Variants in BCOR observed in about 807,000 individuals in gnomAD.
The protein encoded by BCOR is BCL-6 corepressor.
BCOR carries 10 observed loss-of-function variants against 86.7 expected under a neutral mutation model. The observed-to-expected ratio is 0.12, with a 90% CI of 0.07 to 0.20. BCOR has a LOEUF of 0.20. Among genes scored for constraint, BCOR ranks in the 10% least tolerant of loss-of-function variants. The probability of loss-of-function intolerance (pLI) is 1.00; values close to 1 mark genes in which losing one functional copy is unlikely to be tolerated. For missense variants in BCOR, 1,259 were observed against 1,452.1 expected, an observed-to-expected ratio of 0.87 and a Z score of 2.16; for synonymous variants, 611 against 609.0, an observed-to-expected ratio of 1.00 and a Z score of -0.05.
At chrX:40,066,921 A>AC (rs573109269) in intron 6 of BCOR, among the ~76,000 whole-genome samples, 2,184 of 39,287 alleles carry the variant, frequency 0.056, 140 homozygotes, top group East Asian at 0.34. Flanking sequence ...TCCCAGAGAC[A>AC]CCCCCCCCCC....
intron 7 of BCOR, 135 bp downstream of exon 7, chrX:40,064,201 T>C (rs1324684685): frequency 3.1e-6 from 3 of 979,176 alleles, no homozygotes; most frequent in Non-Finnish European, 4.3e-6. Context: ...GCTCCACTGC[T>C]GCGCCCCCAC....
At chrX:40,055,898 C>T (rs1934568916) in intron 11 of BCOR, among the ~76,000 whole-genome samples, 1 of 110,061 alleles carries the variant, frequency 9.1e-6, no homozygotes, top group African/African-American at 3.3e-5. Context: ...TCATGGCTCA[C>T]TGCAGCCTCG....
At chrX:40,134,053 C>T (rs1301776326) in intron 1 of BCOR, among the ~76,000 whole-genome samples, 1 of 108,458 alleles carries the variant, frequency 9.2e-6, no homozygotes, top group Non-Finnish European at 1.9e-5. Flanking sequence ...GGAGGGGCTC[C>T]GCAGAGGAGG....
At chrX:40,069,707 C>CAGG (rs1300734941) in intron 6 of BCOR, among the ~76,000 whole-genome samples, 1 of 112,340 alleles carries the variant, frequency 8.9e-6, no homozygotes, top group Admixed American at 9.4e-5. Flanking sequence ...TGAGGCAACT[C>CAGG]AGAGTGGGGG....
chrX:40,126,078 T>C (rs1170115834), intron 1 of BCOR, among the ~76,000 whole-genome samples: 1 of 108,770 alleles, frequency 9.2e-6, no homozygotes, highest in Non-Finnish European at 1.9e-5. Flanking sequence ...TAGCTGGGCG[T>C]GGTGGTGCGT....
chrX:40,144,303 GAGA>G (rs1270074969), intron 1 of BCOR, among the ~76,000 whole-genome samples: 7 of 112,125 alleles, frequency 6.2e-5, no homozygotes, highest in Admixed American at 5.6e-4. Flanking sequence ...TCGAAACCTG[GAGA>G]AGAAGGCCAA....
rs769141938 is a variant in BCOR at position 40,074,974 on chromosome X, G to C, written c.372C>G (p.Phe124Leu). The C allele has an allele frequency of 7.4e-6, 9 of 1,208,151 alleles. No homozygotes were observed. Residue 124 changes from phenylalanine (F) to leucine (L), a missense_variant, in exon 4 of 15, where the codon TTC (phenylalanine) becomes TTG (leucine). Coordinates refer to ENST00000378444, the MANE Select transcript of BCOR (RefSeq NM_001123385.2). ...CCACTGTCTCGGGTGTATTCGGTTTGAACTGCATCTCTGGATTTCTTTCCG... is the reference window on the plus strand; with the variant it reads ...CCACTGTCTCGGGTGTATTCGGTTTCAACTGCATCTCTGGATTTCTTTCCG... ...FSSERNPEMQ[F>L]KPNTPETVEA...
In BCOR at chrX:40,073,670, C is replaced by T. The variant is rs1935609387; in HGVS notation, c.1676G>A (p.Gly559Glu). The T allele has an allele frequency of 1.6e-6, 2 of 1,212,488 alleles. No individual in the cohort carries two copies. Among genetic ancestry groups the T allele is most frequent in the Admixed American group, 2.2e-5 (1 of 46,174 alleles). The change falls in exon 4 of 15, where the codon GGG becomes GAG. Residue 559 changes from glycine (G) to glutamate (E), a missense_variant. Physicochemically the swap from Gly to Glu is moderately conservative, Grantham distance 98 (BLOSUM62 -2). Around this residue, in one of 7 missense-constraint regions of BCOR, gnomAD observed 534 missense variants for 594.8 expected, o/e 0.90. Coordinates refer to ENST00000378444, the MANE Select transcript of BCOR (RefSeq NM_001123385.2). ...TGGGCGGCCTGCACTCGACACTGAC[C>T]CTGAAACGTTAGTGATGACAGCATC... ...GTDAVITNVS[G>E]SVSSAGRPAS...
chrX:40,109,453 A>G (rs960356432), intron 1 of BCOR, among the ~76,000 whole-genome samples: 3 of 112,291 alleles, frequency 2.7e-5, no homozygotes, highest in African/African-American at 9.7e-5. Context: ...ACAAAACTCC[A>G]GAGCGGGCGG....
At chrX:40,062,522 G>A (rs1934941518) in intron 9 of BCOR, 129 bp from the exon 10 acceptor site, 2 of 951,532 alleles carry the variant, frequency 2.1e-6, no homozygotes, top group Non-Finnish European at 2.9e-6. Flanking sequence ...TTTTTTGGGG[G>A]TGGGGGGTGC....
intron 1 of BCOR, among the ~76,000 whole-genome samples, chrX:40,168,417 G>A (rs1938549082): frequency 8.9e-6 from 1 of 112,863 alleles, no homozygotes; most frequent in African/African-American, 3.2e-5. Flanking sequence ...TGGCGAATTG[G>A]CGGCGGCAAA....
At chrX:40,095,534 C>T (rs1936817065) in intron 1 of BCOR, among the ~76,000 whole-genome samples, 1 of 110,780 alleles carries the variant, frequency 9.0e-6, no homozygotes, top group African/African-American at 3.3e-5. Context: ...CAAAAGACTA[C>T]CCCTAGAACC....
chrX:40,116,460 G>A (rs1369017652), intron 1 of BCOR, among the ~76,000 whole-genome samples: 1 of 109,471 alleles, frequency 9.1e-6, no homozygotes, highest in Non-Finnish European at 1.9e-5. Flanking sequence ...TAGCGCCACT[G>A]CACTCCAGCC....
chrX:40,130,480 C>T (rs981227201), intron 1 of BCOR, among the ~76,000 whole-genome samples: 1 of 112,292 alleles, frequency 8.9e-6, no homozygotes, highest in Non-Finnish European at 1.9e-5. Flanking sequence ...CCATTTTTAG[C>T]CCTTGGCTAG....
At chrX:40,063,463 A>G in intron 8 of BCOR, 145 bp downstream of exon 8, 2 of 525,919 alleles carry the variant, frequency 3.8e-6, no homozygotes, top group Non-Finnish European at 6.5e-6. Context: ...CAAGGACATC[A>G]AGAGAGAACT....
chrX:40,170,208 A>C (rs889188218), intron 1 of BCOR, among the ~76,000 whole-genome samples: 8 of 112,211 alleles, frequency 7.1e-5, no homozygotes, highest in Non-Finnish European at 3.8e-5. Flanking sequence ...TGCACCTAGC[A>C]GACCAAGCCT....
chrX:40,092,436 C>T (rs1302463408), intron 1 of BCOR, among the ~76,000 whole-genome samples: 1 of 110,291 alleles, frequency 9.1e-6, no homozygotes, highest in East Asian at 2.8e-4. Flanking sequence ...CCAACACAGG[C>T]TGTCCCCGCC....
Position 40,077,871 on chromosome X carries a change from A to ACCCT in BCOR, c.55_58dup (p.Val20GlufsTer17). 4.1e-6 allele frequency: 5 copies of ACCCT among 1,211,788 alleles called. No individual in the cohort carries two copies. The highest frequency in any genetic ancestry group is 5.6e-6 in the Non-Finnish European group (5 of 895,409). On this transcript the variant is annotated frameshift_variant, in exon 2 of 15. Coordinates refer to ENST00000378444, the MANE Select transcript of BCOR (RefSeq NM_001123385.2). LOFTEE classifies it high-confidence loss of function. ...GTCTTCGCTCGCCCCACACATGCGG[A>ACCCT]CCCTCTCGCTGTTCATCCAGCTGTG...
chrX:40,097,011 C>T (rs1936914485), intron 1 of BCOR, among the ~76,000 whole-genome samples: 1 of 113,103 alleles, frequency 8.8e-6, no homozygotes, highest in Non-Finnish European at 1.9e-5. Context: ...CGCGGGGCCG[C>T]TTAGGTTGGC....
Sources: gnomAD v4.1 joint callset for allele counts (sites outside exome capture counted in the v4.1 genomes callset) on GRCh38, gnomAD v4.1.1 for gene constraint, gnomAD v4.1.1 regional missense constraint, MANE v1.5 for transcripts, NCBI Gene and HGNC (gene_info 2026-07-23, HGNC 2026-07-21) for gene names.